The following C1orf35 variants were observed in gnomAD, a reference collection of about 807,000 sequenced individuals.
C1orf35 encodes chromosome 1 open reading frame 35.
C1orf35 carries 36 observed loss-of-function variants against 30.9 expected under a neutral mutation model. That is an observed-to-expected ratio of 1.16 (90% CI 0.89 to 1.54). The LOEUF (loss-of-function observed/expected upper bound fraction) is 1.54, where lower values mean the gene tolerates loss of function less well. Ranked by LOEUF, C1orf35 falls within the 40% of genes most tolerant of loss-of-function variation. The pLI, the probability that C1orf35 is intolerant of heterozygous loss-of-function variation, is 0.00. For synonymous variants in C1orf35, 179 were observed against 148.2 expected (o/e 1.21, Z -1.51); for missense variants, 396 against 358.7 (o/e 1.10, Z -0.84).
rs892597913 is a variant in C1orf35, at chr1:228,100,844, G to T, written c.*287C>A. 1 of 481,026 alleles carries T rather than the reference G, an allele frequency of 2.1e-6. No homozygotes were observed. The highest frequency in any genetic ancestry group is 3.8e-6 in the Non-Finnish European group (1 of 266,514). The allele number at this position is 481,026 out of a possible 1,614,324, so 29.8% of individuals were successfully genotyped here. ...TAGGCCCATGGCTGCTGCAACCATG[G>T]GCAGGACACAGAGGGAGTCCAGCCT... On this transcript the variant is annotated 3_prime_UTR_variant, in exon 8 of 8. Transcript: ENST00000272139.
chr1:228,103,175 C>G lies in C1orf35; in HGVS notation c.53G>C (p.Trp18Ser), dbSNP rs767861457. 6.2e-7 allele frequency: 1 copy of G among 1,612,134 alleles called. No homozygotes were observed. The highest frequency in any genetic ancestry group is 8.5e-7 in the Non-Finnish European group (1 of 1,179,574). ...GVRGGQDQFN[W>S]EDVKTDKQRE... The stretch of plus-strand genomic sequence containing the variant: ...CTGCTTGTCAGTCTTCACGTCCTCC[C>G]AGTTGAACTGGTCCTGCCCGCCGCG... Residue 18 changes from tryptophan to serine, a missense_variant, in exon 1 of 8, where the codon TGG (tryptophan) becomes TCG (serine). Transcript: ENST00000272139.
In C1orf35 at chr1:228,102,302, G is replaced by T; in HGVS notation, c.447+8C>A. 6.2e-7 allele frequency: 1 copy of T among 1,610,688 alleles called. No homozygotes were observed. Among genetic ancestry groups the T allele is most frequent in the Non-Finnish European group, 8.5e-7 (1 of 1,179,550 alleles). ...CCCCTGCTGCGGTCAGGCGGGGCGG[G>T]GGATTACCGTGAACACAGACAGCCC... On this transcript the variant is annotated splice_region_variant and intron_variant, in intron 5 of 7. Coordinates refer to ENST00000272139, the MANE Select transcript of C1orf35 (RefSeq NM_024319.4).
chr1:228,103,154 T>G lies in C1orf35; in HGVS notation c.74A>C (p.Lys25Thr). 6 of 1,611,490 alleles carry G rather than the reference T, an allele frequency of 3.7e-6. No individual in the cohort carries two copies. Among genetic ancestry groups the G allele is most frequent in the Non-Finnish European group, 5.1e-6 (6 of 1,179,382 alleles). Residue 25 changes from lysine to threonine, a missense_variant, in exon 1 of 8, where the codon AAG becomes ACG. By Grantham distance (78) the Lys-to-Thr change is moderately conservative (BLOSUM62 -1). Coordinates refer to ENST00000272139, the MANE Select transcript of C1orf35 (RefSeq NM_024319.4). ...CCCACCCAGGTAGTTCTCCCGCTGC[T>G]TGTCAGTCTTCACGTCCTCCCAGTT... is the stretch of plus-strand genomic sequence containing the variant. ...QFNWEDVKTD[K>T]QRENYLGNSL...
In C1orf35 at chr1:228,102,470, G is replaced by C; in HGVS notation, c.374+8C>G. 6.4e-7 allele frequency: 1 copy of C among 1,561,038 alleles called. No individual in the cohort carries two copies. ...CAGTGCTGCCCTCCCCTGGAAACCC[G>C]CCCGCACCTTGCGCTCCCCAGCCCC... On this transcript the variant is annotated splice_region_variant and intron_variant, in intron 4 of 7. Coordinates refer to ENST00000272139, the MANE Select transcript of C1orf35 (RefSeq NM_024319.4).
In C1orf35 at chr1:228,102,529, C is replaced by A; in HGVS notation, c.323G>T (p.Gly108Val). 6.4e-7 allele frequency: 1 copy of A among 1,557,884 alleles called. No homozygotes were observed. Residue 108 changes from glycine to valine, a missense_variant, in exon 4 of 8, where the codon GGC becomes GTC. Physicochemically the swap from Gly to Val is moderately radical, Grantham distance 109. Transcript: ENST00000272139. Reference sequence around the variant, plus strand: ...GTCCACGCCCTTCTCCTCGGGGTCGCCTCCTTCCCGCTTGCAGACCTCCGC... The same window carrying A: ...GTCCACGCCCTTCTCCTCGGGGTCGACTCCTTCCCGCTTGCAGACCTCCGC... ...DFAEVCKREGGDPEEKGVDRL... is the reference protein window; with the variant it reads ...DFAEVCKREGVDPEEKGVDRL...
In C1orf35 at chr1:228,102,304, G is replaced by C. The variant is rs752814685; in HGVS notation, c.447+6C>G. ...CCTGCTGCGGTCAGGCGGGGCGGGG[G>C]ATTACCGTGAACACAGACAGCCCCA... On this transcript the variant is annotated splice_donor_region_variant and intron_variant, in intron 5 of 7. Coordinates refer to ENST00000272139, the MANE Select transcript of C1orf35 (RefSeq NM_024319.4). 1 of 1,610,842 alleles carries C rather than the reference G, an allele frequency of 6.2e-7. No homozygotes were observed. Among genetic ancestry groups the C allele is most frequent in the South Asian group, 1.1e-5 (1 of 91,024 alleles).
chr1:228,101,740 C>A (rs1571849461), intron 6 of C1orf35: 1 of 1,416,330 alleles, frequency 7.1e-7, no homozygotes, highest in Admixed American at 2.9e-5. Context: ...CCTACCTGCA[C>A]CCACCAGGCC....
chr1:228,101,689 C>T (rs2032950176), intron 6 of C1orf35: 5 of 1,434,198 alleles, frequency 3.5e-6, no homozygotes, highest in Admixed American at 2.8e-5. Context: ...ACAGCACGCC[C>T]CTGCCCCACC....
In C1orf35 at chr1:228,101,102, C is replaced by T. The variant is rs1401701307; in HGVS notation, c.*29G>A. On this transcript the variant is annotated 3_prime_UTR_variant, in exon 8 of 8. Coordinates refer to ENST00000272139, the MANE Select transcript of C1orf35 (RefSeq NM_024319.4). ...CAAGGTGAAGGGAGGGTTCAGGGTC[C>T]CACAACAGCAGTGAGCAGGGTCCAG... The T allele has an allele frequency of 1.2e-6, 2 of 1,609,752 alleles. No homozygotes were observed. The highest frequency in any genetic ancestry group is 2.2e-5 in the East Asian group (1 of 44,888).
At chr1:228,102,000 C>A (rs1332685683) in intron 6 of C1orf35, 80 bp downstream of exon 6, 7 of 1,436,508 alleles carry the variant, frequency 4.9e-6, no homozygotes, top group Admixed American at 5.6e-5. Flanking sequence ...GAAGCTGCCA[C>A]CTGCCCGAGT....
intron 1 of C1orf35, 29 bp from the exon 2 acceptor site, chr1:228,103,078 G>C (rs2033020348): frequency 6.2e-7 from 1 of 1,605,166 alleles, no homozygotes; most frequent in Admixed American, 1.7e-5. Flanking sequence ...TGAGTCCAGC[G>C]CCCGCCCGGG....
Position 228,103,213 on chromosome 1 carries a change from A to C in C1orf35, c.15T>G (p.Ser5Arg). 2 of 1,610,252 alleles carry C rather than the reference A, an allele frequency of 1.2e-6. No individual in the cohort carries two copies. The highest frequency in any genetic ancestry group is 1.7e-6 in the Non-Finnish European group (2 of 1,179,032). MFGS[S>R]RGGVRGGQDQ... Reference sequence around the variant, plus strand: ...CCTGCCCGCCGCGCACGCCTCCACGACTGGAGCCGAACATGGCGCCGGGAA... The same window carrying C: ...CCTGCCCGCCGCGCACGCCTCCACGCCTGGAGCCGAACATGGCGCCGGGAA... The change falls in exon 1 of 8, where the codon AGT (serine) becomes AGG (arginine). Residue 5 changes from serine to arginine, a missense_variant. By Grantham distance (110) the Ser-to-Arg change is moderately radical. Coordinates refer to ENST00000272139, the MANE Select transcript of C1orf35 (RefSeq NM_024319.4).
At position 228,102,536 on chromosome 1, in the gene C1orf35, C is replaced by T; in HGVS notation, c.316G>A (p.Glu106Lys). ...CCCTTCTCCTCGGGGTCGCCTCCTT[C>T]CCGCTTGCAGACCTCCGCGAAGTCC... is the stretch of plus-strand genomic sequence containing the variant. Reference protein sequence around the residue: ...KEDFAEVCKREGGDPEEKGVD... With the variant: ...KEDFAEVCKRKGGDPEEKGVD... Residue 106 changes from glutamate (E) to lysine (K), a missense_variant, in exon 4 of 8, where the codon GAA (glutamate) becomes AAA (lysine). By Grantham distance (56) the Glu-to-Lys change is moderately conservative. Coordinates refer to ENST00000272139, the MANE Select transcript of C1orf35 (RefSeq NM_024319.4). 6.4e-7 allele frequency: 1 copy of T among 1,558,950 alleles called. No individual in the cohort carries two copies. Among genetic ancestry groups the T allele is most frequent in the Non-Finnish European group, 8.7e-7 (1 of 1,155,128 alleles).
chr1:228,102,522 G>T lies in C1orf35; in HGVS notation c.330C>A (p.Pro110=). ...GCAGCCGGTCCACGCCCTTCTCCTC[G>T]GGGTCGCCTCCTTCCCGCTTGCAGA... is the stretch of plus-strand genomic sequence containing the variant. ...AEVCKREGGD[P]EEKGVDRLLG... Residue 110 remains proline (P), a synonymous_variant, in exon 4 of 8, where the codon CCC becomes CCA. Transcript: ENST00000272139. 6.4e-7 allele frequency: 1 copy of T among 1,557,814 alleles called. No individual in the cohort carries two copies.
chr1:228,102,192 G>T, intron 5 of C1orf35, 27 bp from the exon 6 acceptor site: 1 of 1,568,390 alleles, frequency 6.4e-7, no homozygotes, highest in Non-Finnish European at 8.6e-7. Context: ...CTCTGCGGAG[G>T]AGTCTGCGGG....
chr1:228,102,469 C>A lies in C1orf35; in HGVS notation c.374+9G>T. 6.4e-7 allele frequency: 1 copy of A among 1,561,778 alleles called. No individual in the cohort carries two copies. Among genetic ancestry groups the A allele is most frequent in the Non-Finnish European group, 8.6e-7 (1 of 1,157,594 alleles). ...CCAGTGCTGCCCTCCCCTGGAAACC[C>A]GCCCGCACCTTGCGCTCCCCAGCCC... On this transcript the variant is annotated intron_variant, in intron 4 of 7. Transcript: ENST00000272139.
intron 6 of C1orf35, 174 bp from the exon 7 acceptor site, chr1:228,101,647 G>T (rs2032949374): frequency 6.8e-7 from 1 of 1,461,468 alleles, no homozygotes; most frequent in Non-Finnish European, 9.0e-7. Context: ...GTGGCTACGT[G>T]GGTTAGAAAC....
chr1:228,100,895 C>G lies in C1orf35; in HGVS notation c.*236G>C. On this transcript the variant is annotated 3_prime_UTR_variant, in exon 8 of 8. Transcript: ENST00000272139. ...CTACTGATAAATCTGGGCAGGTTCA[C>G]CTTCGCAGGCCAAGCCAGGGGCCAT... 1 of 597,262 alleles carries G rather than the reference C, an allele frequency of 1.7e-6. No homozygotes were observed. The highest frequency in any genetic ancestry group is 2.9e-6 in the Non-Finnish European group (1 of 342,244). 37.0% of individuals were successfully genotyped at this position (597,262 alleles called of 1,614,324 possible). A position where few individuals can be genotyped will look rare whatever the true frequency, so the allele number is the denominator to read the frequency against.
Position 228,101,132 on chromosome 1 carries a change from C to T in C1orf35, c.791G>A (p.Ter264=). The T allele has an allele frequency of 6.2e-7, 1 of 1,613,018 alleles. No individual in the cohort carries two copies. Among genetic ancestry groups the T allele is most frequent in the Non-Finnish European group, 8.5e-7 (1 of 1,180,048 alleles). ...RRWHDRGSEA[*] is the part of the protein sequence containing the mutation. Reference sequence around the variant, plus strand: ...ACAGCAGTGAGCAGGGTCCAGCCATCAGGCCTCAGAGCCTCTGTCATGCCA... The same window carrying T: ...ACAGCAGTGAGCAGGGTCCAGCCATTAGGCCTCAGAGCCTCTGTCATGCCA... Residue 264 remains the stop codon, a stop_retained_variant, in exon 8 of 8, where the codon TGA becomes TAA. Transcript: ENST00000272139.
Sources: allele counts gnomAD v4.1 joint callset, GRCh38; gene constraint gnomAD v4.1.1; transcripts MANE v1.5; gene names NCBI Gene and HGNC (gene_info 2026-07-23, HGNC 2026-07-21).